CFHR5: variants seen among roughly 807,000 people sequenced by gnomAD.
The protein encoded by CFHR5 is complement factor H-related protein 5.
A neutral mutation model predicts 62.9 loss-of-function variants in CFHR5; 73 were observed. The observed-to-expected ratio is 1.16, with a 90% CI of 0.96 to 1.41. The LOEUF (loss-of-function observed/expected upper bound fraction) is 1.41. CFHR5 is among the 40% of genes most tolerant of loss of function. The pLI is 0.00. For missense variants in CFHR5, 779 were observed against 679.9 expected, an observed-to-expected ratio of 1.15 and a Z score of -1.62; for synonymous variants, 249 against 227.2, an observed-to-expected ratio of 1.10 and a Z score of -0.86.
In CFHR5 at chr1:197,008,272, G is replaced by C. The variant is rs1023310958; in HGVS notation, c.1514-215G>C. 7.3e-5 allele frequency among the ~76,000 whole-genome samples: 11 copies of C among 151,498 alleles called. No homozygotes were observed. The South Asian group carries it at 2.3e-3, about 31-fold the overall frequency. On this transcript the variant is annotated intron_variant, in intron 9 of 9. Transcript: ENST00000256785. ...AACACTCACTAAACTGTGTAGCCTT[G>C]AGAAAATCTCTTAGCATTTATTTCC...
intron 3 of CFHR5, among the ~76,000 whole-genome samples, chr1:196,988,378 T>C (rs1393701576): frequency 2.0e-5 from 3 of 152,162 alleles, no homozygotes; most frequent in Non-Finnish European, 2.9e-5. Flanking sequence ...TCCTGCCTGA[T>C]TGCCCTGGCC....
chr1:197,006,179 T>C (rs1040576925), intron 9 of CFHR5, among the ~76,000 whole-genome samples: 1 of 152,066 alleles, frequency 6.6e-6, no homozygotes, highest in African/African-American at 2.4e-5. Flanking sequence ...AGAACAAAAT[T>C]TGTAACCTAA....
intron 6 of CFHR5, among the ~76,000 whole-genome samples, chr1:196,996,977 T>G (rs1654008837): frequency 6.6e-6 from 1 of 151,918 alleles, no homozygotes; most frequent in African/African-American, 2.4e-5. Context: ...TTGCAGGTAT[T>G]TTTTTTCCCG....
chr1:196,982,888 C>G lies in CFHR5; in HGVS notation c.62C>G (p.Thr21Arg), dbSNP rs377563612. ...SWVSTVGGEGTLCDFPKIHHG... is the reference protein window; with the variant it reads ...SWVSTVGGEGRLCDFPKIHHG... ...AGTTTTGTGTTATTTTTCCCAGGAA[C>G]ACTTTGTGATTTTCCAAAAATACAC... Residue 21 changes from threonine to arginine, a missense_variant, in exon 2 of 10, where the codon ACA (threonine) becomes AGA (arginine). Physicochemically the swap from Thr to Arg is moderately conservative, Grantham distance 71 (BLOSUM62 -1). Coordinates refer to ENST00000256785, the MANE Select transcript of CFHR5 (RefSeq NM_030787.4). The G allele has an allele frequency of 6.2e-7, 1 of 1,613,368 alleles. No homozygotes were observed. Among genetic ancestry groups the G allele is most frequent in the Admixed American group, 1.7e-5 (1 of 60,002 alleles).
intron 2 of CFHR5, among the ~76,000 whole-genome samples, chr1:196,983,342 C>T (rs1653592779): frequency 6.6e-6 from 1 of 152,152 alleles, no homozygotes; most frequent in South Asian, 2.1e-4. Context: ...TATTTGACTG[C>T]TAATAGTTCT....
intron 7 of CFHR5, among the ~76,000 whole-genome samples, chr1:197,000,720 A>G (rs1001471479): frequency 2.0e-5 from 3 of 152,154 alleles, no homozygotes; most frequent in African/African-American, 7.2e-5. Context: ...GGCTCATTCA[A>G]AAGAGTCTTG....
chr1:196,999,582 A>C (rs536266262), intron 7 of CFHR5, among the ~76,000 whole-genome samples: 1 of 150,598 alleles, frequency 6.6e-6, no homozygotes, highest in Non-Finnish European at 1.5e-5. Flanking sequence ...GAACTATGTT[A>C]TAATTACAAG....
chr1:196,980,687 T>C (rs974321865), intron 1 of CFHR5, among the ~76,000 whole-genome samples: 2 of 152,182 alleles, frequency 1.3e-5, no homozygotes, highest in South Asian at 4.2e-4. Flanking sequence ...AGGAAAATTA[T>C]TTTCTGCTTT....
rs748631825 is a variant in CFHR5, at chr1:196,998,293, T to A, written c.1136T>A (p.Val379Glu). Reference sequence around the variant, plus strand: ...ATAAACGGGAAATGGAATCCTGAAGTAGACTGCACAGGTAAGATTTGTTTA... The same window carrying A: ...ATAAACGGGAAATGGAATCCTGAAGAAGACTGCACAGGTAAGATTTGTTTA... ...VCINGKWNPE[V>E]DCTEKREQFC... Residue 379 changes from valine to glutamate, a missense_variant, in exon 7 of 10, where the codon GTA becomes GAA. Physicochemically the swap from Val to Glu is moderately radical, Grantham distance 121. Transcript: ENST00000256785. 3.7e-6 allele frequency: 6 copies of A among 1,610,650 alleles called. No homozygotes were observed. The African/African-American group carries it at 8.0e-5, about 22-fold the overall frequency.
Position 196,977,607 on chromosome 1 carries a change from A to C in CFHR5, c.-58A>C, listed in dbSNP as rs777951547. The C allele has an allele frequency of 4.4e-6, 6 of 1,354,184 alleles. No homozygotes were observed. Among genetic ancestry groups the C allele is most frequent in the South Asian group, 1.2e-5 (1 of 85,686 alleles). 83.9% of individuals were successfully genotyped at this position (1,354,184 alleles called of 1,614,324 possible). A position where few individuals can be genotyped will look rare whatever the true frequency, so the allele number is the denominator to read the frequency against. Reference sequence around the variant, plus strand: ...TGTAACTGTTAATGAAAGCAGATTTAAAGCAACACCACCATCACTGGAGTA... The same window carrying C: ...TGTAACTGTTAATGAAAGCAGATTTCAAGCAACACCACCATCACTGGAGTA... On this transcript the variant is annotated 5_prime_UTR_variant, in exon 1 of 10. Transcript: ENST00000256785.
chr1:197,007,689 T>A (rs1654325814), intron 9 of CFHR5, among the ~76,000 whole-genome samples: 1 of 147,974 alleles, frequency 6.8e-6, no homozygotes, highest in African/African-American at 2.5e-5. Context: ...TACATAAGTA[T>A]GTATGTATAA....
chr1:196,996,258 T>C (rs1653989103), intron 6 of CFHR5, 57 bp downstream of exon 6: 2 of 1,340,046 alleles, frequency 1.5e-6, no homozygotes, highest in African/African-American at 2.9e-5. Flanking sequence ...ATTGGGATTG[T>C]ATAAAGTGTA....
chr1:196,999,734 C>T (rs12064805), intron 7 of CFHR5, among the ~76,000 whole-genome samples: 2,083 of 38,368 alleles, frequency 0.054, 37 homozygotes, highest in East Asian at 0.13. Flanking sequence ...CACACACACA[C>T]ATATATATAC....
At chr1:197,005,651 G>T (rs1309984241) in intron 9 of CFHR5, among the ~76,000 whole-genome samples, 3 of 152,200 alleles carry the variant, frequency 2.0e-5, no homozygotes, top group Admixed American at 6.5e-5. Flanking sequence ...AAGAAAACTG[G>T]AATTTCCATA....
chr1:196,993,826 C>T (rs1433346843), intron 3 of CFHR5, among the ~76,000 whole-genome samples: 1 of 152,078 alleles, frequency 6.6e-6, no homozygotes, highest in Non-Finnish European at 1.5e-5. Context: ...AGTAACTTCA[C>T]AGGACATTCT....
At chr1:196,992,179 C>T (rs1207288394) in intron 3 of CFHR5, among the ~76,000 whole-genome samples, 3 of 152,264 alleles carry the variant, frequency 2.0e-5, no homozygotes, top group African/African-American at 7.2e-5. Flanking sequence ...GCTCTGTGGG[C>T]GTGGTAACTG....
intron 1 of CFHR5, among the ~76,000 whole-genome samples, chr1:196,982,421 C>T (rs752150785): frequency 4.6e-5 from 7 of 152,102 alleles, no homozygotes; most frequent in South Asian, 2.1e-4. Flanking sequence ...CCTGTAATCC[C>T]GGCAGTTTGG....
chr1:196,999,712 TATATATATATAC>T (rs1236116325), intron 7 of CFHR5, among the ~76,000 whole-genome samples: 1 of 48,358 alleles, frequency 2.1e-5, no homozygotes, highest in Admixed American at 3.3e-4. Context: ...TATATATATA[TATATATATATAC>T]ACACACACAC....
In CFHR5 at chr1:197,004,805, G is replaced by C; in HGVS notation, c.1475G>C (p.Cys492Ser). The C allele has an allele frequency of 1.2e-6, 2 of 1,613,624 alleles. No individual in the cohort carries two copies. Among genetic ancestry groups the C allele is most frequent in the Non-Finnish European group, 1.7e-6 (2 of 1,179,744 alleles). ...YKLQGSVTVT[C>S]RNKQWSEPPR... Reference sequence around the variant, plus strand: ...CTCCAGGGCTCTGTAACTGTAACATGCAGAAATAAACAGTGGTCAGAACCA... The same window carrying C: ...CTCCAGGGCTCTGTAACTGTAACATCCAGAAATAAACAGTGGTCAGAACCA... Residue 492 changes from cysteine to serine, a missense_variant, in exon 9 of 10, where the codon TGC becomes TCC. Coordinates refer to ENST00000256785, the MANE Select transcript of CFHR5 (RefSeq NM_030787.4).
Sources: allele counts gnomAD v4.1 joint callset (sites outside exome capture counted in the v4.1 genomes callset), GRCh38; gene constraint gnomAD v4.1.1; transcripts MANE v1.5; gene names NCBI Gene and HGNC (gene_info 2026-07-23, HGNC 2026-07-21).